Variants in MYH14 observed in about 807,000 individuals in gnomAD.
MYH14 encodes the protein myosin-14.
Under a neutral mutation model 255.5 loss-of-function variants are expected in MYH14, and 123 were observed. That is an observed-to-expected ratio of 0.48 (90% confidence interval 0.42 to 0.56). The LOEUF (loss-of-function observed/expected upper bound fraction) is 0.56, where lower values mean the gene tolerates loss of function less well. MYH14 is among the 20% of genes least tolerant of loss of function. MYH14 has a pLI of 0.00. For missense variants in MYH14, 2,423 were observed against 2,802.3 expected, an observed-to-expected ratio of 0.86 and a Z score of 3.06; for synonymous variants, 1,095 against 1,161.2, an observed-to-expected ratio of 0.94 and a Z score of 1.16.
chr19:50,206,907 A>G (rs1174525841), intron 1 of MYH14, among the ~76,000 whole-genome samples: 1 of 151,678 alleles, frequency 6.6e-6, no homozygotes, highest in Non-Finnish European at 1.5e-5. Context: ...TGATGGGGAC[A>G]TTTGAGGCAG....
intron 18 of MYH14, 24 bp from the exon 19 acceptor site, chr19:50,259,120 C>A: frequency 1.9e-6 from 3 of 1,541,926 alleles, no homozygotes; most frequent in Non-Finnish European, 2.6e-6. Context: ...CGCTGACCCC[C>A]GCGTGTCCGT....
rs1205359295 is a variant in MYH14 at position 50,225,435 on chromosome 19, C to T, written c.718-150C>T. ...CCTCACAATAGACAGATGGGCAAGA[C>T]CCGGATATGGGAAGTGGGTACACGC... On this transcript the variant is annotated intron_variant, in intron 6 of 42. Coordinates refer to ENST00000642316, the MANE Select transcript of MYH14 (RefSeq NM_001145809.2). 8.2e-6 allele frequency: 5 copies of T among 611,718 alleles called. No homozygotes were observed. In the Admixed American group the frequency reaches 1.3e-4, roughly 16 times the overall value. The allele number at this position is 611,718 out of a possible 1,614,324, so 37.9% of individuals were successfully genotyped here. A position where few individuals can be genotyped will look rare whatever the true frequency, so the allele number is the denominator to read the frequency against.
At position 50,266,815 on chromosome 19, in the gene MYH14, A is replaced by T; in HGVS notation, c.2695-62A>T. 1 of 1,548,890 alleles carries T rather than the reference A, an allele frequency of 6.5e-7. No individual in the cohort carries two copies. Among genetic ancestry groups the T allele is most frequent in the Non-Finnish European group, 8.7e-7 (1 of 1,144,920 alleles). ...ATTTGAACCCAGAAACTCAAACCCC[A>T]CTAAGAGTGTGAGGTCTTGGCGCCT... is the stretch of plus-strand genomic sequence containing the variant. On this transcript the variant is annotated intron_variant, in intron 22 of 42. Coordinates refer to ENST00000642316, the MANE Select transcript of MYH14 (RefSeq NM_001145809.2). The surrounding 1 kb of genome is among the most constrained non-coding windows in gnomAD (Gnocchi z 4.1).
At chr19:50,207,614 A>G (rs2031883480) in intron 1 of MYH14, among the ~76,000 whole-genome samples, 1 of 152,154 alleles carries the variant, frequency 6.6e-6, no homozygotes, top group Non-Finnish European at 1.5e-5. Flanking sequence ...AGTTGAATGA[A>G]TGGGTCCAGT....
chr19:50,244,880 C>T (rs1466930198), intron 11 of MYH14, among the ~76,000 whole-genome samples: 1 of 152,156 alleles, frequency 6.6e-6, no homozygotes, highest in Admixed American at 6.6e-5. Context: ...ACCGCACCAG[C>T]ACGACAGTGG....
chr19:50,248,922 A>G (rs937878831), intron 12 of MYH14, 65 bp from the exon 13 acceptor site: 2 of 1,580,014 alleles, frequency 1.3e-6, no homozygotes, highest in Non-Finnish European at 1.7e-6. Flanking sequence ...TCCCCGGTTC[A>G]CCCCCGACGT....
At position 50,230,662 on chromosome 19, in the gene MYH14, G is replaced by A. The variant is rs773023341; in HGVS notation, c.973+39G>A. On this transcript the variant is annotated intron_variant, in intron 9 of 42. Transcript: ENST00000642316. The surrounding 1 kb of genome is among the most constrained non-coding windows in gnomAD (Gnocchi z 4.7). ...CGTCCTACCCTGCTCACCCGGGAGAGGGTGGGCACCATGTCTCTCGGGGGC... is the reference window on the plus strand; with the variant it reads ...CGTCCTACCCTGCTCACCCGGGAGAAGGTGGGCACCATGTCTCTCGGGGGC... 2.0e-6 allele frequency: 3 copies of A among 1,532,260 alleles called. No homozygotes were observed. Among genetic ancestry groups the A allele is most frequent in the Non-Finnish European group, 2.7e-6 (3 of 1,131,102 alleles). The allele number at this position is 1,532,260 out of a possible 1,614,324, so 94.9% of individuals were successfully genotyped here. A position where few individuals can be genotyped will look rare whatever the true frequency, so the allele number is the denominator to read the frequency against.
chr19:50,207,490 G>A (rs1408776095), intron 1 of MYH14, among the ~76,000 whole-genome samples: 1 of 152,060 alleles, frequency 6.6e-6, no homozygotes, highest in South Asian at 2.1e-4. Context: ...CGAGATAGCT[G>A]GAGCTGGATC....
chr19:50,267,318 G>C, intron 23 of MYH14, among the ~76,000 whole-genome samples: 1 of 152,014 alleles, frequency 6.6e-6, no homozygotes, highest in Non-Finnish European at 1.5e-5. Context: ...TGGGGGCAGG[G>C]GCCTCAGCTG....
At chr19:50,288,800 G>A (rs2035973475) in intron 34 of MYH14, among the ~76,000 whole-genome samples, 1 of 152,170 alleles carries the variant, frequency 6.6e-6, no homozygotes, top group Non-Finnish European at 1.5e-5. Flanking sequence ...AGCATGGGTA[G>A]CAGAGAGGCC....
chr19:50,278,403 A>G, intron 30 of MYH14, 114 bp downstream of exon 30: 1 of 751,664 alleles, frequency 1.3e-6, no homozygotes, highest in Non-Finnish European at 2.0e-6. Flanking sequence ...TGGCTCTTCC[A>G]ACATAATCAT....
Position 50,230,442 on chromosome 19 carries a change from C to A in MYH14, c.875-83C>A. 8.2e-7 allele frequency: 1 copy of A among 1,220,644 alleles called. No individual in the cohort carries two copies. Among genetic ancestry groups the A allele is most frequent in the Non-Finnish European group, 1.2e-6 (1 of 848,978 alleles). The allele number at this position is 1,220,644 out of a possible 1,614,324, so 75.6% of individuals were successfully genotyped here. The stretch of plus-strand genomic sequence containing the variant: ...TACACCACAGGAGAGAAGGGGGCAG[C>A]GTGGGCAGGGCAGGCTCCTGTAGTG... On this transcript the variant is annotated intron_variant, in intron 8 of 42. Transcript: ENST00000642316. The surrounding 1 kb of genome is among the most constrained non-coding windows in gnomAD (Gnocchi z 4.7).
Position 50,250,739 on chromosome 19 carries a change from C to A in MYH14, c.1830+51C>A. 1 of 1,556,642 alleles carries A rather than the reference C, an allele frequency of 6.4e-7. No homozygotes were observed. On this transcript the variant is annotated intron_variant, in intron 15 of 42. Coordinates refer to ENST00000642316, the MANE Select transcript of MYH14 (RefSeq NM_001145809.2). This position sits in a 1 kb window ranked among gnomAD's most constrained non-coding sequence, Gnocchi z 5.4. ...CATGTGGGAGTGGGGATCAAGGGAT[C>A]TCCACTGGCTACAGATGGGGGGAGG...
At chr19:50,291,129 C>A in intron 36 of MYH14, 81 bp downstream of exon 36, 1 of 1,392,782 alleles carries the variant, frequency 7.2e-7, no homozygotes, top group Non-Finnish European at 9.7e-7. Flanking sequence ...CTAAGGCTAG[C>A]TCGGACCCCT....
intron 16 of MYH14, among the ~76,000 whole-genome samples, chr19:50,253,216 G>A (rs1772690851): frequency 6.6e-6 from 1 of 152,120 alleles, no homozygotes; most frequent in South Asian, 2.1e-4. Context: ...GCCAAGGTGG[G>A]CGGATCACTT....
intron 7 of MYH14, 122 bp downstream of exon 7, chr19:50,225,799 CT>C (rs2033064862): frequency 3.2e-6 from 2 of 616,340 alleles, no homozygotes; most frequent in African/African-American, 1.9e-5. Flanking sequence ...GGGGTCTGGA[CT>C]CTTGAGTCTG....
At chr19:50,216,572 C>T (rs1479982091) in intron 2 of MYH14, among the ~76,000 whole-genome samples, 1 of 151,464 alleles carries the variant, frequency 6.6e-6, no homozygotes, top group African/African-American at 2.4e-5. Context: ...CCACTGCACT[C>T]CAGCCTGGGT....
intron 40 of MYH14, among the ~76,000 whole-genome samples, chr19:50,306,448 G>A (rs2036657233): frequency 6.6e-6 from 1 of 152,208 alleles, no homozygotes; most frequent in South Asian, 2.1e-4. Flanking sequence ...CACCCCAGAT[G>A]TGATGGTCCA....
intron 33 of MYH14, among the ~76,000 whole-genome samples, chr19:50,283,457 ATATCAATAATGTATTCCATG>A (rs1193572227): frequency 1.3e-5 from 2 of 152,254 alleles, no homozygotes; most frequent in East Asian, 1.9e-4. Context: ...ATATTTTTGC[ATATCAATAATGTATTCCATG>A]TATCAATAAT....
Sources: allele counts gnomAD v4.1 joint callset (sites outside exome capture counted in the v4.1 genomes callset), GRCh38; gene constraint gnomAD v4.1.1; non-coding constraint Gnocchi (gnomAD v3.1); transcripts MANE v1.5; gene names NCBI Gene and HGNC (gene_info 2026-07-23, HGNC 2026-07-21).